TIAM1: variants seen among roughly 807,000 people sequenced by gnomAD.
The protein encoded by TIAM1 is rho guanine nucleotide exchange factor TIAM1.
A neutral mutation model predicts 163.5 loss-of-function variants in TIAM1; 65 were observed. That is an observed-to-expected ratio of 0.40 (90% CI 0.33 to 0.49). The LOEUF (loss-of-function observed/expected upper bound fraction) is 0.49, where lower values mean the gene tolerates loss of function less well. Ranked by LOEUF, TIAM1 falls within the 20% of genes least tolerant of loss-of-function variation. The pLI is 0.77. For missense variants in TIAM1, 1,789 were observed against 2,044.7 expected (o/e 0.87, Z 2.41); for synonymous variants, 833 against 810.1 (o/e 1.03, Z -0.48).
chr21:31,556,821 C>T (rs992183193), intron 1 of TIAM1, among the ~76,000 whole-genome samples: 1 of 152,198 alleles, frequency 6.6e-6, no homozygotes, highest in Non-Finnish European at 1.5e-5. Flanking sequence ...TTAGCAACGT[C>T]GGTGTTTACC....
chr21:31,490,942 T>C (rs888408015), intron 1 of TIAM1, among the ~76,000 whole-genome samples: 20 of 152,076 alleles, frequency 1.3e-4, no homozygotes, highest in African/African-American at 4.6e-4. Context: ...CTGGCCAACA[T>C]GGTGAAACCC....
intron 2 of TIAM1, among the ~76,000 whole-genome samples, chr21:31,463,405 C>T (rs1267065438): frequency 3.3e-5 from 5 of 152,196 alleles, no homozygotes; most frequent in African/African-American, 7.2e-5. Context: ...GCATCTCCAT[C>T]GCCAGCAGCC....
intron 23 of TIAM1, among the ~76,000 whole-genome samples, chr21:31,132,515 G>A (rs2082451505): frequency 2.0e-5 from 3 of 152,150 alleles, no homozygotes. Context: ...AATCAGAGAG[G>A]CTGGGACAGC....
At position 31,301,833 on chromosome 21, in the gene TIAM1, T is replaced by C. The variant is rs144619356; in HGVS notation, c.-188-24925A>G. On this transcript the variant is annotated intron_variant, in intron 2 of 27. Transcript: ENST00000541036. The stretch of plus-strand genomic sequence containing the variant: ...CCAGTCTGGGCAACAAGAGTGAAAC[T>C]CCATCTCAAAATAAATAGATAAATA... Among the ~76,000 whole-genome samples, 572 of 146,984 alleles carry C rather than the reference T, an allele frequency of 3.9e-3. 4 individuals are homozygous for C. Among genetic ancestry groups the C allele is most frequent in the African/African-American group, 0.014 (536 of 39,400 alleles).
At chr21:31,412,948 C>T (rs1033849743) in intron 2 of TIAM1, among the ~76,000 whole-genome samples, 1 of 152,152 alleles carries the variant, frequency 6.6e-6, no homozygotes. Flanking sequence ...CCTCCTGCTG[C>T]GTGGCCTGGT....
chr21:31,250,736 G>A (rs1002374787), intron 5 of TIAM1, among the ~76,000 whole-genome samples: 1 of 152,154 alleles, frequency 6.6e-6, no homozygotes, highest in Non-Finnish European at 1.5e-5. Context: ...GTGTGTTTGA[G>A]AAGTGTTTTT....
At chr21:31,196,794 ATG>A (rs1220435519) in intron 12 of TIAM1, among the ~76,000 whole-genome samples, 1 of 152,188 alleles carries the variant, frequency 6.6e-6, no homozygotes, top group African/African-American at 2.4e-5. Flanking sequence ...CGTGCACTGT[ATG>A]TTCATTGCAG....
chr21:31,510,122 T>C (rs1168884253), intron 1 of TIAM1, among the ~76,000 whole-genome samples: 1 of 152,174 alleles, frequency 6.6e-6, no homozygotes, highest in Non-Finnish European at 1.5e-5. Context: ...TTGCTAGGCT[T>C]GCCATAACAA....
At chr21:31,198,043 TATAG>T in intron 12 of TIAM1, among the ~76,000 whole-genome samples, 1 of 152,206 alleles carries the variant, frequency 6.6e-6, no homozygotes, top group Non-Finnish European at 1.5e-5. Flanking sequence ...CAAATGCTCA[TATAG>T]ATTTTTAAAA....
rs144969388 is a variant in TIAM1 at position 31,154,430 on chromosome 21, C to A, written c.2992-4G>T. 2.5e-6 allele frequency: 4 copies of A among 1,611,884 alleles called. No individual in the cohort carries two copies. The highest frequency in any genetic ancestry group is 4.5e-5 in the East Asian group (2 of 44,836). ...ATGCGGCCACCTGTTCTGTACTCTT[C>A]GGAGCACAGGGGGGAAGGGAAGGCA... On this transcript the variant is annotated splice_polypyrimidine_tract_variant and splice_region_variant and intron_variant, in intron 16 of 27. Coordinates refer to ENST00000541036, the MANE Select transcript of TIAM1 (RefSeq NM_001353694.2).
In TIAM1 at chr21:31,251,764, C is replaced by T. The variant is rs1047473627; in HGVS notation, c.1389G>A (p.Lys463=). The part of the protein sequence containing the change: ...KVESATRRKW[K]HYWVSLKGCT... ...CACCTTTCAGGGACACCCAGTAGTGCTTCCACTTCCTCCGGGTGGCTGACT... is the reference window on the plus strand; with the variant it reads ...CACCTTTCAGGGACACCCAGTAGTGTTTCCACTTCCTCCGGGTGGCTGACT... Residue 463 remains lysine (K), a synonymous_variant, in exon 5 of 28, where the codon AAG becomes AAA. Transcript: ENST00000541036. 7 of 1,600,754 alleles carry T rather than the reference C, an allele frequency of 4.4e-6. No homozygotes were observed. In the African/African-American group the frequency reaches 5.3e-5, roughly 12 times the overall value.
At chr21:31,448,131 A>C (rs483287) in intron 2 of TIAM1, among the ~76,000 whole-genome samples, 123,827 of 152,100 alleles carry the variant, frequency 0.81, 50,714 homozygotes, top group East Asian at 0.91. Context: ...ACCCTCATAG[A>C]AACAACCAGA....
chr21:31,302,553 C>T (rs1299022616), intron 2 of TIAM1, among the ~76,000 whole-genome samples: 1 of 152,156 alleles, frequency 6.6e-6, no homozygotes, highest in African/African-American at 2.4e-5. Flanking sequence ...ATGAGCTGGG[C>T]AAGAAGACAT....
chr21:31,481,414 G>A lies in TIAM1; in HGVS notation c.-421-17379C>T, dbSNP rs563943065. ...CCAACTCTCTGGATGCCAACTGAGG[G>A]TCCTACAATTCAATTCAGGACTGAC... On this transcript the variant is annotated intron_variant, in intron 1 of 28. Transcript: ENST00000286827. Among the ~76,000 whole-genome samples the A allele has an allele frequency of 1.4e-4, 22 of 152,152 alleles. 1 individual carries two copies. In the South Asian group the frequency reaches 4.4e-3, roughly 30 times the overall value.
At chr21:31,184,640 C>A (rs946932886) in intron 14 of TIAM1, among the ~76,000 whole-genome samples, 1 of 152,030 alleles carries the variant, frequency 6.6e-6, no homozygotes, top group Non-Finnish European at 1.5e-5. Flanking sequence ...TCCCCACCCC[C>A]GTGCCACGCA....
chr21:31,281,073 G>A (rs536989113), intron 2 of TIAM1, among the ~76,000 whole-genome samples: 26 of 113,118 alleles, frequency 2.3e-4, no homozygotes, highest in Non-Finnish European at 1.9e-4. Flanking sequence ...GCAACAAAGT[G>A]AGACCCTAAC....
intron 1 of TIAM1, among the ~76,000 whole-genome samples, chr21:31,523,873 G>A (rs1206056780): frequency 2.0e-5 from 3 of 150,170 alleles, no homozygotes; most frequent in Non-Finnish European, 3.0e-5. Flanking sequence ...AGCTGAGATC[G>A]CGCCACTGCA....
At chr21:31,352,956 C>T (rs914008387) in intron 2 of TIAM1, among the ~76,000 whole-genome samples, 11 of 151,714 alleles carry the variant, frequency 7.3e-5, no homozygotes, top group Non-Finnish European at 1.5e-4. Flanking sequence ...AATAAGCCAA[C>T]TCTTCCTGTC....
At chr21:31,289,149 G>T (rs1601837674) in intron 2 of TIAM1, among the ~76,000 whole-genome samples, 1 of 152,298 alleles carries the variant, frequency 6.6e-6, no homozygotes. Flanking sequence ...TATAAAATAA[G>T]AAGTCAATAG....
Sources: gnomAD v4.1 joint callset for allele counts (sites outside exome capture counted in the v4.1 genomes callset) on GRCh38, gnomAD v4.1.1 for gene constraint, MANE v1.5 for transcripts, NCBI Gene and HGNC (gene_info 2026-07-23, HGNC 2026-07-21) for gene names.